Variants in MMP16 observed in about 807,000 individuals in gnomAD.
MMP16 encodes the protein matrix metalloproteinase-16.
A neutral mutation model predicts 67.8 loss-of-function variants in MMP16; 12 were observed. The observed-to-expected ratio is 0.18, with a 90% CI of 0.11 to 0.29. The LOEUF (loss-of-function observed/expected upper bound fraction) is 0.29, where lower values mean the gene tolerates loss of function less well. Ranked by LOEUF, MMP16 falls within the 10% of genes least tolerant of loss-of-function variation. The probability of loss-of-function intolerance (pLI) is 1.00; values close to 1 mark genes in which losing one functional copy is unlikely to be tolerated. For missense variants in MMP16, 475 were observed against 765.7 expected, an observed-to-expected ratio of 0.62 and a Z score of 4.48; for synonymous variants, 249 against 255.9, an observed-to-expected ratio of 0.97 and a Z score of 0.26.
chr8:88,290,687 C>T (rs991405822), intron 1 of MMP16, among the ~76,000 whole-genome samples: 7 of 152,174 alleles, frequency 4.6e-5, no homozygotes, highest in Admixed American at 3.9e-4. Flanking sequence ...AGGTGATCCT[C>T]CTGCCTCAGC....
chr8:88,222,995 A>G (rs1028441276), intron 1 of MMP16, among the ~76,000 whole-genome samples: 23 of 152,342 alleles, frequency 1.5e-4, no homozygotes, highest in Admixed American at 1.2e-3. Flanking sequence ...AAACAAATTT[A>G]CAAGAAGACA....
chr8:88,033,200 C>T lies in MMP16; in HGVS notation c.*8261G>A, dbSNP rs1808008018. 1 of 151,686 alleles carries T rather than the reference C, an allele frequency of 6.6e-6. No individual in the cohort carries two copies. Among genetic ancestry groups the T allele is most frequent in the Non-Finnish European group, 1.5e-5 (1 of 67,888 alleles). 9.4% of individuals were successfully genotyped at this position (151,686 alleles called of 1,614,324 possible). A position where few individuals can be genotyped will look rare whatever the true frequency, so the allele number is the denominator to read the frequency against. ...CAATTACTTGAATCTCATTCTGACT[C>T]TGAATGATAAATGTCTGTGCATTTT... is the stretch of plus-strand genomic sequence containing the variant. On this transcript the variant is annotated 3_prime_UTR_variant, in exon 10 of 10. Transcript: ENST00000286614.
intron 6 of MMP16, among the ~76,000 whole-genome samples, chr8:88,083,810 A>G (rs555618221): frequency 1.3e-5 from 2 of 152,198 alleles, no homozygotes; most frequent in South Asian, 4.1e-4. Context: ...GGTTCAAGCA[A>G]GAACCATCAC....
At chr8:88,220,391 T>C (rs1389535430) in intron 1 of MMP16, among the ~76,000 whole-genome samples, 1 of 152,168 alleles carries the variant, frequency 6.6e-6, no homozygotes, top group African/African-American at 2.4e-5. Context: ...CAGACTGTTC[T>C]ATAGAAATCC....
intron 1 of MMP16, among the ~76,000 whole-genome samples, chr8:88,211,993 T>G (rs1194729941): frequency 6.6e-6 from 1 of 151,810 alleles, no homozygotes. Flanking sequence ...GGTCACAGAA[T>G]GTGCCTCCTG....
intron 1 of MMP16, among the ~76,000 whole-genome samples, chr8:88,282,034 T>C (rs1188040472): frequency 1.4e-5 from 2 of 147,392 alleles, no homozygotes; most frequent in Non-Finnish European, 3.0e-5. Flanking sequence ...CAGACTTCAG[T>C]ATGAAGTTAA....
chr8:88,188,930 C>T (rs1009576677), intron 2 of MMP16, among the ~76,000 whole-genome samples: 3 of 152,180 alleles, frequency 2.0e-5, no homozygotes, highest in African/African-American at 7.2e-5. Flanking sequence ...GCTGGGATTA[C>T]AGGCATGAGC....
chr8:88,062,681 T>G (rs931047113), intron 7 of MMP16, among the ~76,000 whole-genome samples: 1 of 151,802 alleles, frequency 6.6e-6, no homozygotes, highest in Admixed American at 6.6e-5. Context: ...TGGGGAGGGA[T>G]AGCATTAGGA....
chr8:88,117,646 CTT>C (rs755390522), intron 5 of MMP16, among the ~76,000 whole-genome samples: 2 of 151,892 alleles, frequency 1.3e-5, no homozygotes, highest in Non-Finnish European at 2.9e-5. Flanking sequence ...ACATTTCTCT[CTT>C]CTTGGTATCC....
At chr8:88,139,930 C>T (rs1289789955) in intron 4 of MMP16, among the ~76,000 whole-genome samples, 2 of 152,006 alleles carry the variant, frequency 1.3e-5, no homozygotes, top group East Asian at 3.9e-4. Flanking sequence ...TTTTAGAAAG[C>T]TATGTTATTT....
chr8:88,176,398 A>G (rs946253381), intron 3 of MMP16, among the ~76,000 whole-genome samples: 1 of 152,194 alleles, frequency 6.6e-6, no homozygotes, highest in African/African-American at 2.4e-5. Flanking sequence ...ATTTAAAGAA[A>G]AAGTGTAGTG....
intron 8 of MMP16, among the ~76,000 whole-genome samples, chr8:88,052,022 C>G (rs753918353): frequency 6.6e-6 from 1 of 152,010 alleles, no homozygotes; most frequent in Non-Finnish European, 1.5e-5. Flanking sequence ...TTTAAAGAAC[C>G]GTCATTTCAT....
At chr8:88,064,965 G>A (rs1436216829) in intron 7 of MMP16, among the ~76,000 whole-genome samples, 1 of 152,004 alleles carries the variant, frequency 6.6e-6, no homozygotes, top group African/African-American at 2.4e-5. Flanking sequence ...GTGCCTTTGG[G>A]TCTGATGCAT....
At chr8:88,323,533 C>A (rs1261739326) in intron 1 of MMP16, among the ~76,000 whole-genome samples, 1 of 151,918 alleles carries the variant, frequency 6.6e-6, no homozygotes, top group African/African-American at 2.4e-5. Context: ...CTTTTTTTGT[C>A]ACAAAAGAGT....
chr8:88,050,772 G>C (rs1808260537), intron 8 of MMP16, among the ~76,000 whole-genome samples: 2 of 152,128 alleles, frequency 1.3e-5, no homozygotes, highest in African/African-American at 4.8e-5. Context: ...TCAAACAACT[G>C]GTGTTCATTG....
chr8:88,178,743 A>G (rs1000330192), intron 3 of MMP16, among the ~76,000 whole-genome samples: 6 of 152,136 alleles, frequency 3.9e-5, no homozygotes, highest in East Asian at 3.9e-4. Flanking sequence ...ATTTGTAAGC[A>G]TGTAAAGTTT....
At chr8:88,131,423 T>C (rs1808027938) in intron 4 of MMP16, among the ~76,000 whole-genome samples, 1 of 151,790 alleles carries the variant, frequency 6.6e-6, no homozygotes, top group Non-Finnish European at 1.5e-5. Context: ...TGTTTGCTCA[T>C]GGACTGCTAG....
At chr8:88,284,906 C>T (rs1379514180) in intron 1 of MMP16, among the ~76,000 whole-genome samples, 1 of 150,990 alleles carries the variant, frequency 6.6e-6, no homozygotes, top group Non-Finnish European at 1.5e-5. Flanking sequence ...CAGCTAATTC[C>T]TACTTATCCT....
chr8:88,042,478 T>C (rs1808146438), intron 9 of MMP16, among the ~76,000 whole-genome samples: 1 of 152,222 alleles, frequency 6.6e-6, no homozygotes, highest in South Asian at 2.1e-4. Flanking sequence ...CTCTAGGTCA[T>C]AAACATTTTG....
Sources: allele counts gnomAD v4.1 joint callset (sites outside exome capture counted in the v4.1 genomes callset), GRCh38; gene constraint gnomAD v4.1.1; transcripts MANE v1.5; gene names NCBI Gene and HGNC (gene_info 2026-07-23, HGNC 2026-07-21).